UBR3: variants seen among roughly 807,000 people sequenced by gnomAD.
UBR3 encodes the protein E3 ubiquitin-protein ligase UBR3.
Under a neutral mutation model 243.2 loss-of-function variants are expected in UBR3, and 85 were observed. The ratio of observed to expected loss-of-function variants is 0.35; its 90% CI spans 0.29 to 0.42. The LOEUF is 0.42. Among genes scored for constraint, UBR3 ranks in the 10% least tolerant of loss-of-function variants. The pLI, the probability that UBR3 is intolerant of heterozygous loss-of-function variation, is 1.00. For missense variants in UBR3, 1,686 were observed against 2,300.8 expected (o/e 0.73, Z 5.47); for synonymous variants, 748 against 799.8 (o/e 0.94, Z 1.09).
At chr2:170,040,801 T>C in intron 31 of UBR3, 81 bp from the exon 32 acceptor site, 1 of 1,042,962 alleles carries the variant, frequency 9.6e-7, no homozygotes, top group Non-Finnish European at 1.4e-6. Flanking sequence ...TTCTGTTCCA[T>C]AGATATATAT....
intron 6 of UBR3, 116 bp downstream of exon 6, chr2:169,891,347 C>A: frequency 1.5e-6 from 1 of 659,418 alleles, no homozygotes; most frequent in South Asian, 2.2e-5. Context: ...TGAAGGGAGG[C>A]TTATGTTATT....
chr2:170,066,562 T>G (rs1280987646), intron 35 of UBR3, among the ~76,000 whole-genome samples: 1 of 152,224 alleles, frequency 6.6e-6, no homozygotes, highest in East Asian at 1.9e-4. Context: ...CTCCTTTTTT[T>G]CTTCTTCTGT....
intron 1 of UBR3, among the ~76,000 whole-genome samples, chr2:169,869,877 C>A (rs1319965147): frequency 2.0e-5 from 3 of 152,046 alleles, no homozygotes; most frequent in African/African-American, 7.2e-5. Context: ...TTTTCTTATC[C>A]ATTTTTGAGA....
chr2:169,832,786 A>C (rs368365988), intron 1 of UBR3, among the ~76,000 whole-genome samples: 22 of 151,834 alleles, frequency 1.4e-4, no homozygotes, highest in Non-Finnish European at 2.4e-4. Context: ...ATACAAAATT[A>C]TCTGGGCATG....
intron 27 of UBR3, among the ~76,000 whole-genome samples, chr2:170,004,772 G>T (rs889950830): frequency 1.3e-5 from 2 of 152,044 alleles, no homozygotes; most frequent in East Asian, 3.9e-4. Flanking sequence ...TTAGCTGGGT[G>T]TGGTGGCGAG....
At chr2:169,957,384 A>G (rs185071100) in intron 23 of UBR3, among the ~76,000 whole-genome samples, 27 of 152,172 alleles carry the variant, frequency 1.8e-4, no homozygotes, top group Admixed American at 1.6e-3. Context: ...ATGCAGCCAT[A>G]AAAAAGGATG....
At chr2:169,864,954 C>A (rs2083207325) in intron 1 of UBR3, among the ~76,000 whole-genome samples, 1 of 150,038 alleles carries the variant, frequency 6.7e-6, no homozygotes, top group Non-Finnish European at 1.5e-5. Context: ...GGTGTCATGG[C>A]ACATGCCTGT....
chr2:169,942,989 A>G (rs2086648628), intron 20 of UBR3, among the ~76,000 whole-genome samples: 2 of 152,198 alleles, frequency 1.3e-5, no homozygotes, highest in Admixed American at 1.3e-4. Context: ...CTAGAATGGC[A>G]GTTATGTGAG....
At chr2:169,950,125 C>T in intron 23 of UBR3, 60 bp downstream of exon 23, 1 of 1,457,850 alleles carries the variant, frequency 6.9e-7, no homozygotes, top group Non-Finnish European at 9.2e-7. Context: ...TATTTTCTTC[C>T]TTTTGGTCAT....
In UBR3 at chr2:170,081,759, A is replaced by G; in HGVS notation, c.5583A>G (p.Arg1861=). 6.2e-7 allele frequency: 1 copy of G among 1,608,886 alleles called. No individual in the cohort carries two copies. The change falls in exon 39 of 39, where the codon AGA becomes AGG. Residue 1861 remains arginine (R), a synonymous_variant. Transcript: ENST00000272793. ...RGKPLYICKE[R]YKVLEQQWIS... is the part of the protein sequence containing the mutation. ...AACCTCTCTACATTTGTAAGGAAAG[A>G]TACAAAGTTCTTGAGCAACAGTGGA...
rs116330829 is a variant in UBR3 at position 169,879,750 on chromosome 2, T to G, written c.1038+1176T>G. 8.5e-3 allele frequency among the ~76,000 whole-genome samples: 1,295 copies of G among 152,342 alleles called. 22 individuals carry two copies. The highest frequency in any genetic ancestry group is 0.029 in the African/African-American group (1,209 of 41,564). ...TTGTAAACACTGTATGTGTGTTAGT[T>G]AAATAAAATAGAGTAATTTAAAAAA... On this transcript the variant is annotated intron_variant, in intron 5 of 38. Coordinates refer to ENST00000272793, the MANE Select transcript of UBR3 (RefSeq NM_172070.4).
chr2:170,028,069 T>A (rs2090576993), intron 30 of UBR3, among the ~76,000 whole-genome samples: 1 of 151,958 alleles, frequency 6.6e-6, no homozygotes, highest in Non-Finnish European at 1.5e-5. Flanking sequence ...AGATGTAGGC[T>A]ACACATTGAC....
chr2:169,842,066 T>A (rs2082313065), intron 1 of UBR3, among the ~76,000 whole-genome samples: 1 of 152,150 alleles, frequency 6.6e-6, no homozygotes. Flanking sequence ...ATCAGCACTC[T>A]GTGTTTAGCT....
At chr2:169,958,589 G>T in intron 24 of UBR3, 63 bp downstream of exon 24, 1 of 1,421,036 alleles carries the variant, frequency 7.0e-7, no homozygotes, top group Admixed American at 2.0e-5. Flanking sequence ...GGATGATGTA[G>T]TCCAGTCTTT....
rs1030032225 is a variant in UBR3 at position 170,053,480 on chromosome 2, A to G, written c.4661-1980A>G. ...GGAAGTTTCCTCTGGACTTCACCCA[A>G]TGTGCCTTTTTTCCCTTTGCTGATT... On this transcript the variant is annotated intron_variant, in intron 32 of 38. Transcript: ENST00000272793. 2.0e-5 allele frequency among the ~76,000 whole-genome samples: 3 copies of G among 152,306 alleles called. 1 individual carries two copies. Among genetic ancestry groups the G allele is most frequent in the Middle Eastern group, 6.8e-3 (2 of 294 alleles).
rs369973008 is a variant in UBR3 at position 169,938,854 on chromosome 2, G to A, written c.2664-3639G>A. 2.3e-4 allele frequency among the ~76,000 whole-genome samples: 35 copies of A among 152,088 alleles called. No individual in the cohort carries two copies. The South Asian group carries it at 7.3e-3, about 32-fold the overall frequency. On this transcript the variant is annotated intron_variant, in intron 19 of 38. Transcript: ENST00000272793. ...GTTTTTATGTATGCTGTGAGGTAGT[G>A]GTCCAACTTAATTCTTATTCATGTG...
At chr2:169,866,368 T>C (rs2083264597) in intron 1 of UBR3, among the ~76,000 whole-genome samples, 1 of 151,354 alleles carries the variant, frequency 6.6e-6, no homozygotes, top group Non-Finnish European at 1.5e-5. Context: ...TTTTGTTTTT[T>C]TGTTTTTTTT....
rs1464068112 is a variant in UBR3 at position 169,857,074 on chromosome 2, T to G, written c.546-15162T>G. Reference sequence around the variant, plus strand: ...GCATAATTTTATTATGTTTTTTTTTTTTTTTTTTTTTTTTTTTGAGACGGA... The same window carrying G: ...GCATAATTTTATTATGTTTTTTTTTGTTTTTTTTTTTTTTTTTGAGACGGA... On this transcript the variant is annotated intron_variant, in intron 1 of 38. Transcript: ENST00000272793. 4.9e-5 allele frequency among the ~76,000 whole-genome samples: 6 copies of G among 122,840 alleles called. 1 individual carries two copies. The highest frequency in any genetic ancestry group is 6.3e-4 in the South Asian group (2 of 3,166). The allele number at this position is 122,840 out of a possible 152,430, so 80.6% of individuals were successfully genotyped here.
At chr2:169,841,288 A>AT (rs922444667) in intron 1 of UBR3, among the ~76,000 whole-genome samples, 2 of 151,976 alleles carry the variant, frequency 1.3e-5, no homozygotes, top group East Asian at 1.9e-4. Flanking sequence ...TTGCTTAGAG[A>AT]TTTTTTTCTG....
Sources: gnomAD v4.1 joint callset for allele counts (sites outside exome capture counted in the v4.1 genomes callset) on GRCh38, gnomAD v4.1.1 for gene constraint, MANE v1.5 for transcripts, NCBI Gene and HGNC (gene_info 2026-07-23, HGNC 2026-07-21) for gene names.